The following SQSTM1 variants were observed in gnomAD, a reference collection of about 807,000 sequenced individuals.
SQSTM1 encodes the protein sequestosome 1, also known as sequestosome-1.
In SQSTM1, 36 loss-of-function variants were observed where a neutral mutation model predicts 45.1. The ratio of observed to expected loss-of-function variants is 0.80; its 90% CI spans 0.61 to 1.05. The LOEUF (loss-of-function observed/expected upper bound fraction) is 1.05. Ranked by LOEUF, SQSTM1 falls within the 50% of genes least tolerant of loss-of-function variation. SQSTM1 has a pLI of 0.00. For synonymous variants in SQSTM1, 290 were observed against 244.3 expected (o/e 1.19, Z -1.74); for missense variants, 617 against 607.1 (o/e 1.02, Z -0.17).
rs751473908 is a variant in SQSTM1 at position 179,837,495 on chromosome 5, G to GAGTCC, written c.*903_*907dup. 50 of 1,614,068 alleles carry GAGTCC rather than the reference G, an allele frequency of 3.1e-5. No individual in the cohort carries two copies. Among genetic ancestry groups the GAGTCC allele is most frequent in the Non-Finnish European group, 3.9e-5 (46 of 1,180,016 alleles). On this transcript the variant is annotated 3_prime_UTR_variant, in exon 8 of 8. Coordinates refer to ENST00000389805, the MANE Select transcript of SQSTM1 (RefSeq NM_003900.5). Reference sequence around the variant, plus strand: ...ACCAGGGGCCCACCCTCTGCCCAGGGAGTCCTTGCGTCCCATGAGGTCTTC... The same window carrying GAGTCC: ...ACCAGGGGCCCACCCTCTGCCCAGGGAGTCCAGTCCTTGCGTCCCATGAGGTCTTC...
At chr5:179,835,131 C>T (rs188344415) in intron 7 of SQSTM1, 3,141 of 214,052 alleles carry the variant, frequency 0.015, 104 homozygotes, top group African/African-American at 0.072. Flanking sequence ...CCAGACAGGG[C>T]GGCGGGGCAG....
intron 7 of SQSTM1, chr5:179,835,280 G>T (rs1250827943): frequency 5.5e-6 from 1 of 180,568 alleles, no homozygotes; most frequent in Non-Finnish European, 1.2e-5. Context: ...TTCCCAGACG[G>T]GGTGGCGGCC....
In SQSTM1 at chr5:179,820,945, G is replaced by A. The variant is rs527309027; in HGVS notation, c.9G>A (p.Ser3=). Residue 3 remains serine, a synonymous_variant, in exon 1 of 8, where the codon TCG becomes TCA. Transcript: ENST00000389805. ...CCAGCTCGCCGCTCGCTATGGCGTCGCTCACCGTGAAGGCCTACCTTCTGG... is the reference window on the plus strand; with the variant it reads ...CCAGCTCGCCGCTCGCTATGGCGTCACTCACCGTGAAGGCCTACCTTCTGG... MA[S]LTVKAYLLGK... 2 of 1,553,060 alleles carry A rather than the reference G, an allele frequency of 1.3e-6. No homozygotes were observed. Among genetic ancestry groups the A allele is most frequent in the Non-Finnish European group, 8.7e-7 (1 of 1,155,546 alleles).
Position 179,837,304 on chromosome 5 carries a change from T to A in SQSTM1, c.*711T>A. 1.2e-6 allele frequency: 2 copies of A among 1,602,082 alleles called. No individual in the cohort carries two copies. Among genetic ancestry groups the A allele is most frequent in the Non-Finnish European group, 8.5e-7 (1 of 1,174,346 alleles). On this transcript the variant is annotated 3_prime_UTR_variant, in exon 8 of 8. Transcript: ENST00000389805. ...TTGACAGTAAGTTTATTGTTAATGG[T>A]TCTTACAGAGTATCTTTAAAAGTGC...
At chr5:179,812,033 T>A (rs542338010) in intron 2 of SQSTM1, 5 of 152,086 alleles carry the variant, frequency 3.3e-5, no homozygotes, top group Non-Finnish European at 7.4e-5. Context: ...CTCGATCTCC[T>A]GACTTCATGA....
At chr5:179,821,990 A>C (rs1181909155) in intron 1 of SQSTM1, among the ~76,000 whole-genome samples, 1 of 152,224 alleles carries the variant, frequency 6.6e-6, no homozygotes, top group African/African-American at 2.4e-5. Context: ...AACTGAAATA[A>C]GGGTTCACCC....
Position 179,823,920 on chromosome 5 carries a change from G to T in SQSTM1, c.364G>T (p.Val122Leu). 1 of 1,613,792 alleles carries T rather than the reference G, an allele frequency of 6.2e-7. No individual in the cohort carries two copies. The highest frequency in any genetic ancestry group is 8.5e-7 in the Non-Finnish European group (1 of 1,180,026). ...TGCTCAGGAGGCGCCCCGCAACATG[G>T]TGCACCCCAATGTGATCTGCGATGG... ...PCAQEAPRNM[V>L]HPNVICDGCN... Residue 122 changes from valine to leucine, a missense_variant, in exon 3 of 8, where the codon GTG becomes TTG. Transcript: ENST00000389805.
chr5:179,831,166 A>C (rs1414370189), intron 5 of SQSTM1, among the ~76,000 whole-genome samples: 5 of 152,226 alleles, frequency 3.3e-5, no homozygotes, highest in Non-Finnish European at 5.9e-5. Flanking sequence ...CTAACAGGAC[A>C]GAGGGTGAAC....
Position 179,837,351 on chromosome 5 carries a change from C to T in SQSTM1, c.*758C>T, listed in dbSNP as rs1758627379. The T allele has an allele frequency of 6.3e-7, 1 of 1,581,874 alleles. No individual in the cohort carries two copies. The highest frequency in any genetic ancestry group is 8.6e-7 in the Non-Finnish European group (1 of 1,163,776). Reference sequence around the variant, plus strand: ...GTGCCTTAGGGGAACCCTGTCCCTCCTAACAAGTGTATCTCGATTAATAAC... The same window carrying T: ...GTGCCTTAGGGGAACCCTGTCCCTCTTAACAAGTGTATCTCGATTAATAAC... On this transcript the variant is annotated 3_prime_UTR_variant, in exon 8 of 8. Transcript: ENST00000389805.
intron 7 of SQSTM1, among the ~76,000 whole-genome samples, chr5:179,834,479 C>A (rs1041023379): frequency 7.3e-5 from 11 of 151,606 alleles, no homozygotes; most frequent in Non-Finnish European, 1.6e-4. Flanking sequence ...TTGGCAGGGT[C>A]ATAGGACAAT....
chr5:179,837,969 C>T lies in SQSTM1; in HGVS notation c.*1376C>T, dbSNP rs1475046477. 33 of 1,340,608 alleles carry T rather than the reference C, an allele frequency of 2.5e-5. No homozygotes were observed. The highest frequency in any genetic ancestry group is 3.2e-5 in the Non-Finnish European group (32 of 985,150). 83.0% of individuals were successfully genotyped at this position (1,340,608 alleles called of 1,614,324 possible). A position where few individuals can be genotyped will look rare whatever the true frequency, so the allele number is the denominator to read the frequency against. On this transcript the variant is annotated 3_prime_UTR_variant, in exon 8 of 8. Coordinates refer to ENST00000389805, the MANE Select transcript of SQSTM1 (RefSeq NM_003900.5). Reference sequence around the variant, plus strand: ...ACCGCCTGCCCTGCCTGGGCCTTGGCTGGGCCTCTGGTTCTGACACTTTCT... The same window carrying T: ...ACCGCCTGCCCTGCCTGGGCCTTGGTTGGGCCTCTGGTTCTGACACTTTCT...
At position 179,837,287 on chromosome 5, in the gene SQSTM1, A is replaced by T; in HGVS notation, c.*694A>T. On this transcript the variant is annotated 3_prime_UTR_variant, in exon 8 of 8. Transcript: ENST00000389805. ...TGCATAGAGAGAAATGATTGACAGT[A>T]AGTTTATTGTTAATGGTTCTTACAG... is the stretch of plus-strand genomic sequence containing the variant. 1 of 1,607,760 alleles carries T rather than the reference A, an allele frequency of 6.2e-7. No individual in the cohort carries two copies. The highest frequency in any genetic ancestry group is 8.5e-7 in the Non-Finnish European group (1 of 1,178,206).
At chr5:179,836,398 C>T (rs1758555920) in intron 7 of SQSTM1, 38 bp from the exon 8 acceptor site, 5 of 1,613,934 alleles carry the variant, frequency 3.1e-6, no homozygotes, top group African/African-American at 1.3e-5. Context: ...TCACAGGGCT[C>T]AGCACCACTC....
intron 7 of SQSTM1, among the ~76,000 whole-genome samples, chr5:179,834,275 CATT>C (rs1490455086): frequency 6.7e-5 from 10 of 149,342 alleles, no homozygotes; most frequent in Admixed American, 6.0e-4. Context: ...AGAAACTCCT[CATT>C]GTCACATGGC....
upstream of SQSTM1, chr5:179,820,770 G>C (rs1397383352): frequency 3.5e-6 from 2 of 567,292 alleles, no homozygotes; most frequent in South Asian, 5.2e-5. Flanking sequence ...GAGTAGTGAA[G>C]GGGCCTCTGC....
At chr5:179,828,825 A>AG (rs1758103418) in intron 5 of SQSTM1, among the ~76,000 whole-genome samples, 1 of 152,002 alleles carries the variant, frequency 6.6e-6, no homozygotes, top group East Asian at 1.9e-4. Context: ...TACACAAAAA[A>AG]GAAAACACCA....
intron 4 of SQSTM1, 98 bp from the exon 5 acceptor site, chr5:179,825,048 A>C: frequency 3.3e-6 from 4 of 1,222,024 alleles, no homozygotes; most frequent in Non-Finnish European, 4.8e-6. Flanking sequence ...GTTAAAGGTC[A>C]CCCGGGAACA....
rs1582030832 is a variant in SQSTM1 at position 179,836,794 on chromosome 5, G to C, written c.*201G>C. The C allele has an allele frequency of 1.2e-6, 1 of 815,478 alleles. No individual in the cohort carries two copies. Among genetic ancestry groups the C allele is most frequent in the African/African-American group, 1.7e-5 (1 of 59,076 alleles). The allele number at this position is 815,478 out of a possible 1,614,324, so 50.5% of individuals were successfully genotyped here. On this transcript the variant is annotated 3_prime_UTR_variant, in exon 8 of 8. Coordinates refer to ENST00000389805, the MANE Select transcript of SQSTM1 (RefSeq NM_003900.5). ...GTGTGTGTGTGTGCTGATGTTTCCT[G>C]GGTGCCCTGGCTCCTTGCAGCAGGG...
intron 1 of SQSTM1, chr5:179,807,191 C>G (rs1199514265): frequency 6.5e-6 from 1 of 152,848 alleles, no homozygotes; most frequent in African/African-American, 2.4e-5. Context: ...GGGCGGCGCT[C>G]CGGGACCCCG....
Sources: gnomAD v4.1 joint callset for allele counts (sites outside exome capture counted in the v4.1 genomes callset) on GRCh38, gnomAD v4.1.1 for gene constraint, MANE v1.5 for transcripts, NCBI Gene and HGNC (gene_info 2026-07-23, HGNC 2026-07-21) for gene names.